The following TPPP variants were observed in gnomAD, a reference collection of about 807,000 sequenced individuals.
TPPP encodes the protein tubulin polymerization-promoting protein.
In TPPP, 6 loss-of-function variants were observed where a neutral mutation model predicts 15.5. The ratio of observed to expected loss-of-function variants is 0.39; its 90% CI spans 0.21 to 0.77. TPPP has a LOEUF of 0.77. Ranked by LOEUF, TPPP falls within the 30% of genes least tolerant of loss-of-function variation. TPPP has a pLI of 0.42. For synonymous variants in TPPP, 146 were observed against 133.9 expected (o/e 1.09, Z -0.63); for missense variants, 269 against 307.2 (o/e 0.88, Z 0.93).
upstream of TPPP, among the ~76,000 whole-genome samples, chr5:697,667 T>A (rs1315527283): frequency 6.6e-6 from 1 of 152,010 alleles, no homozygotes; most frequent in Non-Finnish European, 1.5e-5. Context: ...GTAACTGTTT[T>A]CCCCACTGCC....
intron 2 of TPPP, among the ~76,000 whole-genome samples, chr5:671,333 C>T (rs1169964918): frequency 1.3e-5 from 2 of 152,122 alleles, no homozygotes; most frequent in African/African-American, 4.8e-5. Context: ...GACTTGGGGC[C>T]CAGAGGGACC....
intron 1 of TPPP, among the ~76,000 whole-genome samples, chr5:683,219 C>G (rs1046367792): frequency 9.9e-5 from 15 of 152,196 alleles, no homozygotes; most frequent in South Asian, 4.1e-4. Context: ...GGTGCAGCCC[C>G]CTCCCCATCT....
rs1171588454 is a variant in TPPP at position 682,511 on chromosome 5, C to T, written c.-4-4447G>A. Among the ~76,000 whole-genome samples, 4 of 135,786 alleles carry T rather than the reference C, an allele frequency of 2.9e-5. No homozygotes were observed. The Admixed American group carries it at 3.1e-4, about 11-fold the overall frequency. The allele number at this position is 135,786 out of a possible 152,430, so 89.1% of individuals were successfully genotyped here. A position where few individuals can be genotyped will look rare whatever the true frequency, so the allele number is the denominator to read the frequency against. On this transcript the variant is annotated intron_variant, in intron 1 of 3. Transcript: ENST00000360578. ...CCAGGGGCCTGTCAGTCACTAGGGC[C>T]AGGACCTGTCCCTTGGGCCTGGAGC...
intron 1 of TPPP, chr5:692,859 A>G: frequency 1.1e-6 from 1 of 890,016 alleles, no homozygotes; most frequent in Non-Finnish European, 1.3e-6. Flanking sequence ...CTAATTTCCC[A>G]CGCCTCACAC....
At chr5:667,586 CT>C (rs139254258) in intron 2 of TPPP, among the ~76,000 whole-genome samples, 2,891 of 152,228 alleles carry the variant, frequency 0.019, 117 homozygotes, top group African/African-American at 0.066. Context: ...ACGTTCGAAA[CT>C]CTGCTCTCAG....
At chr5:666,271 C>A (rs1003578635) in intron 2 of TPPP, 148 bp from the exon 3 acceptor site, 27 of 878,416 alleles carry the variant, frequency 3.1e-5, no homozygotes, top group Non-Finnish European at 4.3e-5. Context: ...ACTGCAAATC[C>A]AAACTGTCTT....
chr5:672,237 C>T (rs1466547974), intron 2 of TPPP, among the ~76,000 whole-genome samples: 3 of 152,190 alleles, frequency 2.0e-5, no homozygotes, highest in Admixed American at 6.5e-5. Context: ...CTCAGCAGCC[C>T]TCCACGCTCG....
rs1248169123 is a variant in TPPP at position 661,423 on chromosome 5, C to G, written c.*3679G>C. 6.6e-6 allele frequency: 1 copy of G among 152,462 alleles called. No homozygotes were observed. Among genetic ancestry groups the G allele is most frequent in the African/African-American group, 2.4e-5 (1 of 41,530 alleles). The allele number at this position is 152,462 out of a possible 1,614,324, so 9.4% of individuals were successfully genotyped here. On this transcript the variant is annotated 3_prime_UTR_variant, in exon 4 of 4. Transcript: ENST00000360578. ...AACCTGTCCCTGTGTCCTGGTGTCA[C>G]CCCCGACAGAACCTGTCCCTGTGTC...
At chr5:673,494 C>CCAAAGACAGAA (rs1740293423) in intron 2 of TPPP, among the ~76,000 whole-genome samples, 2 of 152,094 alleles carry the variant, frequency 1.3e-5, no homozygotes, top group Non-Finnish European at 2.9e-5. Context: ...CTTGGCCTCC[C>CCAAAGACAGAA]CTCAGGCCGG....
At chr5:673,569 G>A (rs116560004) in intron 2 of TPPP, among the ~76,000 whole-genome samples, 1 of 152,102 alleles carries the variant, frequency 6.6e-6, no homozygotes, top group African/African-American at 2.4e-5. Flanking sequence ...GCCCACTCAC[G>A]GTGCCCAGCC....
At position 678,025 on chromosome 5, in the gene TPPP, G is replaced by C. The variant is rs750125717; in HGVS notation, c.36C>G (p.Asn12Lys). Residue 12 changes from asparagine (N) to lysine (K), a missense_variant, in exon 2 of 4, where the codon AAC becomes AAG. Physicochemically the swap from Asn to Lys is moderately conservative, Grantham distance 94 (BLOSUM62 0). Transcript: ENST00000360578. Reference protein sequence around the residue: ...ADKAKPAKAANRTPPKSPGDP... With the variant: ...ADKAKPAKAAKRTPPKSPGDP... ...CCCCCGGGGACTTGGGGGGCGTCCTGTTGGCAGCTTTGGCAGGCTTGGCCT... is the reference window on the plus strand; with the variant it reads ...CCCCCGGGGACTTGGGGGGCGTCCTCTTGGCAGCTTTGGCAGGCTTGGCCT... The C allele has an allele frequency of 6.3e-7, 1 of 1,595,534 alleles. No individual in the cohort carries two copies. Among genetic ancestry groups the C allele is most frequent in the African/African-American group, 1.3e-5 (1 of 74,256 alleles).
At chr5:700,668 C>T in the TPPP span, among the ~76,000 whole-genome samples, 1 of 150,236 alleles carries the variant, frequency 6.7e-6, no homozygotes, top group Non-Finnish European at 1.5e-5. Context: ...TAAGGTTTAC[C>T]TAGGTGTGGA....
At chr5:676,202 C>T (rs574922513) in intron 2 of TPPP, 60 of 152,412 alleles carry the variant, frequency 3.9e-4, no homozygotes, top group African/African-American at 1.3e-3. Context: ...CAAATGCCCT[C>T]GGATGCACTC....
chr5:674,630 C>T (rs1226596535), intron 2 of TPPP, among the ~76,000 whole-genome samples: 1 of 152,112 alleles, frequency 6.6e-6, no homozygotes, highest in Admixed American at 6.5e-5. Context: ...GGTGACCCAC[C>T]AGAGCGGCCC....
At chr5:685,710 T>C (rs538807029) in intron 1 of TPPP, among the ~76,000 whole-genome samples, 53 of 152,276 alleles carry the variant, frequency 3.5e-4, no homozygotes, top group Non-Finnish European at 6.9e-4. Flanking sequence ...TTGGCCCCCA[T>C]CTGCAGAGTG....
intron 2 of TPPP, among the ~76,000 whole-genome samples, chr5:668,935 C>G (rs958119186): frequency 7.9e-5 from 12 of 152,134 alleles, no homozygotes; most frequent in Admixed American, 6.5e-4. Flanking sequence ...TGGGTGATTC[C>G]CAGACCCCAA....
rs561806084 is a variant in TPPP, at chr5:671,811, C to CGT, written c.312-5689_312-5688insAC. Among the ~76,000 whole-genome samples the CGT allele has an allele frequency of 2.9e-3, 449 of 152,354 alleles. 1 individual carries two copies. Among genetic ancestry groups the CGT allele is most frequent in the African/African-American group, 0.01 (436 of 41,584 alleles). On this transcript the variant is annotated intron_variant, in intron 2 of 3. Coordinates refer to ENST00000360578, the MANE Select transcript of TPPP (RefSeq NM_007030.3). ...ACTGGCCCCAGGGCTCCAGAGCCGC[C>CGT]GAGTGCAAGCCCGGGACAGGGTGGC...
intron 1 of TPPP, among the ~76,000 whole-genome samples, chr5:685,430 C>T (rs391240): frequency 0.39 from 58,976 of 152,128 alleles, 11,559 homozygotes; most frequent in East Asian, 0.56. Flanking sequence ...CTGGGCCACT[C>T]GGGACCCCTG....
At chr5:672,002 G>A (rs1397962281) in intron 2 of TPPP, among the ~76,000 whole-genome samples, 2 of 152,192 alleles carry the variant, frequency 1.3e-5, no homozygotes, top group East Asian at 1.9e-4. Flanking sequence ...ACAGGAGGAC[G>A]TCACACACAG....
Sources: gnomAD v4.1 joint callset for allele counts (sites outside exome capture counted in the v4.1 genomes callset) on GRCh38, gnomAD v4.1.1 for gene constraint, MANE v1.5 for transcripts, NCBI Gene and HGNC (gene_info 2026-07-23, HGNC 2026-07-21) for gene names.